EFNB2: variants seen among roughly 807,000 people sequenced by gnomAD.
EFNB2 encodes ephrin-B2.
A neutral mutation model predicts 32.1 loss-of-function variants in EFNB2; 5 were observed. The ratio of observed to expected loss-of-function variants is 0.16; its 90% CI spans 0.08 to 0.33. The LOEUF (loss-of-function observed/expected upper bound fraction) is 0.33, where lower values mean the gene tolerates loss of function less well. EFNB2 is among the 10% of genes least tolerant of loss of function. The pLI, the probability that EFNB2 is intolerant of heterozygous loss-of-function variation, is 1.00. For synonymous variants in EFNB2, 168 were observed against 166.5 expected, an observed-to-expected ratio of 1.01 and a Z score of -0.07; for missense variants, 263 against 422.6, an observed-to-expected ratio of 0.62 and a Z score of 3.31.
chr13:106,529,831 G>T (rs1879817172), intron 1 of EFNB2, among the ~76,000 whole-genome samples: 2 of 152,158 alleles, frequency 1.3e-5, no homozygotes, highest in Admixed American at 6.5e-5. Context: ...TCAATCAAAA[G>T]GGATCAGTTT....
rs1183263362 is a variant in EFNB2, at chr13:106,491,048, C to T, written c.*1992G>A. 1 of 152,560 alleles carries T rather than the reference C, an allele frequency of 6.6e-6. No individual in the cohort carries two copies. The highest frequency in any genetic ancestry group is 6.5e-5 in the Admixed American group (1 of 15,272). The allele number at this position is 152,560 out of a possible 1,614,324, so 9.5% of individuals were successfully genotyped here. On this transcript the variant is annotated 3_prime_UTR_variant, in exon 5 of 5. Coordinates refer to ENST00000646441, the MANE Select transcript of EFNB2 (RefSeq NM_004093.4). The stretch of plus-strand genomic sequence containing the variant: ...ACATAAAAAGTAGGTTTCCTGTTTA[C>T]TCTTCTTGTTTCCCAGAAGGGAGGG...
At chr13:106,508,610 G>A (rs1879035122) in intron 2 of EFNB2, among the ~76,000 whole-genome samples, 1 of 152,128 alleles carries the variant, frequency 6.6e-6, no homozygotes, top group Non-Finnish European at 1.5e-5. Context: ...CATGACTTAG[G>A]TGGGGCTATG....
chr13:106,508,035 T>C (rs981233733), intron 2 of EFNB2, among the ~76,000 whole-genome samples: 10 of 152,208 alleles, frequency 6.6e-5, no homozygotes, highest in African/African-American at 2.2e-4. Context: ...ATTTTGGTAG[T>C]GTGACGAAAA....
rs1878356601 is a variant in EFNB2 at position 106,490,346 on chromosome 13, A to G, written c.*2694T>C. The G allele has an allele frequency of 6.6e-6, 1 of 152,188 alleles. No homozygotes were observed. Among genetic ancestry groups the G allele is most frequent in the African/African-American group, 2.4e-5 (1 of 41,460 alleles). 9.4% of individuals were successfully genotyped at this position (152,188 alleles called of 1,614,324 possible). A position where few individuals can be genotyped will look rare whatever the true frequency, so the allele number is the denominator to read the frequency against. On this transcript the variant is annotated 3_prime_UTR_variant, in exon 5 of 5. Coordinates refer to ENST00000646441, the MANE Select transcript of EFNB2 (RefSeq NM_004093.4). ...AAGTCGGGTGACCAGGGACGATCAT[A>G]CAAGCAAGGCATTTACAGTAACTTT...
intron 1 of EFNB2, among the ~76,000 whole-genome samples, chr13:106,527,391 C>T (rs752382316): frequency 2.0e-5 from 3 of 152,244 alleles, no homozygotes; most frequent in South Asian, 2.1e-4. Flanking sequence ...GTAGTTTGAA[C>T]GCTTACTTAC....
chr13:106,519,587 A>C (rs1879430460), intron 1 of EFNB2: 2 of 152,234 alleles, frequency 1.3e-5, no homozygotes, highest in African/African-American at 4.8e-5. Flanking sequence ...GATCATTGTA[A>C]GCAGATGGCT....
chr13:106,513,394 C>T (rs1446202599), intron 1 of EFNB2, among the ~76,000 whole-genome samples: 3 of 152,184 alleles, frequency 2.0e-5, no homozygotes, highest in Non-Finnish European at 4.4e-5. Flanking sequence ...AAAGCAATGT[C>T]TTACAAATGC....
At chr13:106,499,436 G>GA (rs1308933761) in intron 2 of EFNB2, among the ~76,000 whole-genome samples, 8 of 151,990 alleles carry the variant, frequency 5.3e-5, no homozygotes, top group Middle Eastern at 3.4e-3. Flanking sequence ...TAATGCTTGG[G>GA]AAAAAAAATC....
At chr13:106,513,669 TG>T (rs1879220098) in intron 1 of EFNB2, among the ~76,000 whole-genome samples, 1 of 152,160 alleles carries the variant, frequency 6.6e-6, no homozygotes, top group South Asian at 2.1e-4. Flanking sequence ...TCTTTCTTAA[TG>T]GGGAGTTTCT....
intron 2 of EFNB2, chr13:106,506,465 T>C (rs1246696682): frequency 6.6e-6 from 1 of 152,160 alleles, no homozygotes; most frequent in Non-Finnish European, 1.5e-5. Flanking sequence ...GGCAATTCCA[T>C]GAACAAAAAG....
At chr13:106,509,533 C>T (rs1459520032) in intron 2 of EFNB2, among the ~76,000 whole-genome samples, 1 of 151,856 alleles carries the variant, frequency 6.6e-6, no homozygotes. Flanking sequence ...TAATACTTTC[C>T]GTCATGCTAC....
intron 1 of EFNB2, among the ~76,000 whole-genome samples, chr13:106,526,198 G>A (rs539555292): frequency 2.0e-4 from 30 of 152,304 alleles, no homozygotes; most frequent in African/African-American, 3.6e-4. Context: ...CAGTCCCATC[G>A]TCTCAGGTCT....
intron 1 of EFNB2, among the ~76,000 whole-genome samples, chr13:106,532,216 G>C (rs895511316): frequency 1.3e-5 from 2 of 152,144 alleles, no homozygotes; most frequent in Non-Finnish European, 2.9e-5. Context: ...AGTCAGGGAC[G>C]GGAGAGCCGA....
At chr13:106,512,004 CT>C (rs778498646) in intron 2 of EFNB2, among the ~76,000 whole-genome samples, 59 of 152,136 alleles carry the variant, frequency 3.9e-4, no homozygotes, top group Admixed American at 2.6e-4. Flanking sequence ...TTAATGTGAC[CT>C]GTCATCCCCA....
At chr13:106,526,100 T>C (rs1303110829) in intron 1 of EFNB2, among the ~76,000 whole-genome samples, 1 of 152,128 alleles carries the variant, frequency 6.6e-6, no homozygotes, top group South Asian at 2.1e-4. Context: ...AATCAGGAAC[T>C]CTGGGGGTGG....
chr13:106,495,705 C>T (rs1402808821), intron 3 of EFNB2, 43 bp downstream of exon 3: 2 of 1,586,574 alleles, frequency 1.3e-6, no homozygotes, highest in Admixed American at 1.7e-5. Flanking sequence ...CTGGGGGCTA[C>T]ACCAGGTCAC....
chr13:106,498,841 T>C (rs1878678406), intron 2 of EFNB2, among the ~76,000 whole-genome samples: 1 of 152,186 alleles, frequency 6.6e-6, no homozygotes. Context: ...GCAGACAGTT[T>C]TTCTGCTATA....
Position 106,489,906 on chromosome 13 carries a change from GA to G in EFNB2, c.*3133del, listed in dbSNP as rs761579300. 8.5e-5 allele frequency: 13 copies of G among 152,392 alleles called. No homozygotes were observed. The highest frequency in any genetic ancestry group is 4.1e-4 in the South Asian group (2 of 4,824). 9.4% of individuals were successfully genotyped at this position (152,392 alleles called of 1,614,324 possible). A position where few individuals can be genotyped will look rare whatever the true frequency, so the allele number is the denominator to read the frequency against. The stretch of plus-strand genomic sequence containing the variant: ...AGGCTATTAAAATAAAACAAAGAAA[GA>G]AAAAAATATTTATAACTCAGGCATA... On this transcript the variant is annotated 3_prime_UTR_variant, in exon 5 of 5. Transcript: ENST00000646441.
In EFNB2 at chr13:106,493,072, G is replaced by A; in HGVS notation, c.970C>T (p.Gln324Ter). The change falls in exon 5 of 5, where the codon CAG (glutamine) becomes TAG (stop). Residue 324 changes from glutamine (Q) to a stop codon, truncating the protein, a stop_gained. Coordinates refer to ENST00000646441, the MANE Select transcript of EFNB2 (RefSeq NM_004093.4). LOFTEE classifies it high-confidence loss of function. This position sits in a 1 kb window ranked among gnomAD's most constrained non-coding sequence, Gnocchi z 6.1. Reference protein sequence around the residue: ...PVYIVQEMPPQSPANIYYKV With the variant: ...PVYIVQEMPP ...TTGTAGTAAATGTTCGCCGGGCTCTGCGGGGGCATCTCCTGGACGATGTAC... is the reference window on the plus strand; with the variant it reads ...TTGTAGTAAATGTTCGCCGGGCTCTACGGGGGCATCTCCTGGACGATGTAC... 1 of 1,613,384 alleles carries A rather than the reference G, an allele frequency of 6.2e-7. No individual in the cohort carries two copies. The highest frequency in any genetic ancestry group is 2.2e-5 in the East Asian group (1 of 44,852).
Sources: gnomAD v4.1 joint callset for allele counts (sites outside exome capture counted in the v4.1 genomes callset) on GRCh38, gnomAD v4.1.1 for gene constraint, Gnocchi (gnomAD v3.1) non-coding constraint, MANE v1.5 for transcripts, NCBI Gene and HGNC (gene_info 2026-07-23, HGNC 2026-07-21) for gene names.